FYTTD1: variants seen among roughly 807,000 people sequenced by gnomAD.
FYTTD1 encodes the protein forty-two-three domain containing 1.
Under a neutral mutation model 40.9 loss-of-function variants are expected in FYTTD1, and 22 were observed. The observed-to-expected ratio is 0.54, with a 90% CI of 0.38 to 0.77. FYTTD1 has a LOEUF of 0.77. Ranked by LOEUF, FYTTD1 falls within the 30% of genes least tolerant of loss-of-function variation. The probability of loss-of-function intolerance (pLI) is 0.00; values close to 1 mark genes in which losing one functional copy is unlikely to be tolerated. For synonymous variants in FYTTD1, 140 were observed against 137.9 expected (o/e 1.01, Z -0.10); for missense variants, 351 against 392.2 (o/e 0.90, Z 0.89).
At chr3:197,771,648 G>A (rs1408087915) in intron 4 of FYTTD1, among the ~76,000 whole-genome samples, 2 of 151,214 alleles carry the variant, frequency 1.3e-5, no homozygotes, top group Non-Finnish European at 1.5e-5. Context: ...GTGGTGGCGG[G>A]CGCCTGTAGT....
Position 197,780,043 on chromosome 3 carries a change from A to G in FYTTD1, c.858+1579A>G, listed in dbSNP as rs551598827. 3.7e-3 allele frequency among the ~76,000 whole-genome samples: 490 copies of G among 132,612 alleles called. 5 individuals carry two copies. The highest frequency in any genetic ancestry group is 3.5e-3 in the Non-Finnish European group (222 of 63,050). 87.0% of individuals were successfully genotyped at this position (132,612 alleles called of 152,430 possible). A position where few individuals can be genotyped will look rare whatever the true frequency, so the allele number is the denominator to read the frequency against. The stretch of plus-strand genomic sequence containing the variant: ...ACACCTGGGGATGCAGGCACACACC[A>G]CCACACCTGGGGATGCAGGCACACA... On this transcript the variant is annotated intron_variant, in intron 8 of 8. Coordinates refer to ENST00000241502, the MANE Select transcript of FYTTD1 (RefSeq NM_032288.7).
In FYTTD1 at chr3:197,783,023, C is replaced by T. The variant is rs1319754105; in HGVS notation, c.*1114C>T. ...AAATTTATAATAGAGTTACATTAAC[C>T]TTGTTGTTTACCTTTCACTGATTTC... On this transcript the variant is annotated 3_prime_UTR_variant, in exon 9 of 9. Coordinates refer to ENST00000241502, the MANE Select transcript of FYTTD1 (RefSeq NM_032288.7). The T allele has an allele frequency of 6.6e-6, 1 of 152,314 alleles. No individual in the cohort carries two copies. Among genetic ancestry groups the T allele is most frequent in the African/African-American group, 2.4e-5 (1 of 41,350 alleles). 9.4% of individuals were successfully genotyped at this position (152,314 alleles called of 1,614,324 possible). A position where few individuals can be genotyped will look rare whatever the true frequency, so the allele number is the denominator to read the frequency against.
At chr3:197,752,814 CAG>C (rs1376696344) in intron 1 of FYTTD1, among the ~76,000 whole-genome samples, 1 of 152,094 alleles carries the variant, frequency 6.6e-6, no homozygotes, top group Non-Finnish European at 1.5e-5. Context: ...TTACAGAAAT[CAG>C]AGGCATAGAG....
At position 197,756,552 on chromosome 3, in the gene FYTTD1, A is replaced by G. The variant is rs750230580; in HGVS notation, c.230A>G (p.Asn77Ser). The change falls in exon 2 of 9, where the codon AAT becomes AGT. Residue 77 changes from asparagine (N) to serine (S), a missense_variant. Coordinates refer to ENST00000241502, the MANE Select transcript of FYTTD1 (RefSeq NM_032288.7). ...AGAGTGCGATGGGGAATCCAACAGAATTCTGGTAAGTTTTGAAAGTAAGCT... is the reference window on the plus strand; with the variant it reads ...AGAGTGCGATGGGGAATCCAACAGAGTTCTGGTAAGTTTTGAAAGTAAGCT... ...RMRVRWGIQQNSGFGKTSLNR... is the reference protein window; with the variant it reads ...RMRVRWGIQQSSGFGKTSLNR... 1.2e-6 allele frequency: 2 copies of G among 1,613,718 alleles called. No individual in the cohort carries two copies. The highest frequency in any genetic ancestry group is 8.5e-7 in the Non-Finnish European group (1 of 1,179,664).
intron 6 of FYTTD1, 108 bp from the exon 7 acceptor site, chr3:197,776,819 A>G (rs1422871073): frequency 4.4e-5 from 31 of 700,100 alleles, no homozygotes; most frequent in South Asian, 3.9e-4. Context: ...TATTTCTTAC[A>G]AGCTAAGAAA....
chr3:197,777,752 A>G (rs1210645830), intron 7 of FYTTD1, among the ~76,000 whole-genome samples: 2 of 151,326 alleles, frequency 1.3e-5, no homozygotes, highest in African/African-American at 4.9e-5. Context: ...TCTCACTCTG[A>G]TGCCCAGGCT....
chr3:197,750,104 T>C (rs1728957103), intron 1 of FYTTD1, 30 bp downstream of exon 1: 5 of 1,494,132 alleles, frequency 3.3e-6, no homozygotes, highest in East Asian at 2.7e-5. Context: ...CGAGTTGGAG[T>C]GCGGGGGAGG....
At position 197,774,153 on chromosome 3, in the gene FYTTD1, A is replaced by G. The variant is rs536782175; in HGVS notation, c.599A>G (p.Gln200Arg). The G allele has an allele frequency of 3.3e-4, 535 of 1,613,474 alleles. 9 individuals carry two copies. The South Asian group carries it at 5.7e-3, about 17-fold the overall frequency. Residue 200 changes from glutamine (Q) to arginine (R), a missense_variant, in exon 6 of 9, where the codon CAG becomes CGG. Coordinates refer to ENST00000241502, the MANE Select transcript of FYTTD1 (RefSeq NM_032288.7). ...TFLFRRGLKVQAQLNTEQLLD... is the reference protein window; with the variant it reads ...TFLFRRGLKVRAQLNTEQLLD... ...CTGCTTTTTTTTTCCCTTCAGGTGC[A>G]GGCCCAGTTGAATACAGAACAACTG...
rs1289826218 is a variant in FYTTD1 at position 197,783,478 on chromosome 3, A to G, written c.*1569A>G. ...CAGTAACAGTTTCATGCTTATACCA[A>G]AGAATTAAATCTGATCTTTAATATC... is the stretch of plus-strand genomic sequence containing the variant. On this transcript the variant is annotated 3_prime_UTR_variant, in exon 9 of 9. Coordinates refer to ENST00000241502, the MANE Select transcript of FYTTD1 (RefSeq NM_032288.7). The G allele has an allele frequency of 2.0e-5, 3 of 152,612 alleles. No individual in the cohort carries two copies. Among genetic ancestry groups the G allele is most frequent in the Admixed American group, 2.0e-4 (3 of 15,282 alleles). The allele number at this position is 152,612 out of a possible 1,614,324, so 9.5% of individuals were successfully genotyped here. A position where few individuals can be genotyped will look rare whatever the true frequency, so the allele number is the denominator to read the frequency against.
chr3:197,753,907 T>C (rs1729139299), intron 1 of FYTTD1, among the ~76,000 whole-genome samples: 1 of 152,024 alleles, frequency 6.6e-6, no homozygotes, highest in African/African-American at 2.4e-5. Flanking sequence ...ACCCGGCTAA[T>C]TTTTTGTATT....
chr3:197,760,976 AC>A (rs1264961831), intron 2 of FYTTD1, among the ~76,000 whole-genome samples: 2 of 138,610 alleles, frequency 1.4e-5, no homozygotes, highest in Admixed American at 7.2e-5. Flanking sequence ...GAATGTATAG[AC>A]TTGTTCTTCA....
intron 1 of FYTTD1, among the ~76,000 whole-genome samples, chr3:197,752,504 A>G (rs1729090777): frequency 6.6e-6 from 1 of 152,032 alleles, no homozygotes; most frequent in South Asian, 2.1e-4. Flanking sequence ...TTTTATACAT[A>G]CACTATATGT....
chr3:197,770,771 A>G (rs1034497201), intron 4 of FYTTD1, among the ~76,000 whole-genome samples: 91 of 151,894 alleles, frequency 6.0e-4, no homozygotes, highest in Middle Eastern at 6.8e-3. Context: ...GCTGGTCTCA[A>G]TTCCTGGCCT....
intron 7 of FYTTD1, 95 bp downstream of exon 7, chr3:197,777,096 G>A: frequency 1.3e-6 from 1 of 752,096 alleles, no homozygotes; most frequent in Non-Finnish European, 2.3e-6. Context: ...TGATGTCCAA[G>A]TTGGGATGAA....
intron 1 of FYTTD1, among the ~76,000 whole-genome samples, chr3:197,751,481 A>G (rs1729042435): frequency 2.0e-5 from 3 of 152,262 alleles, no homozygotes; most frequent in Middle Eastern, 6.8e-3. Flanking sequence ...TCCCATGTCT[A>G]CTAAAAATAC....
At chr3:197,754,652 T>G (rs181823301) in intron 1 of FYTTD1, among the ~76,000 whole-genome samples, 10 of 145,892 alleles carry the variant, frequency 6.9e-5, no homozygotes, top group South Asian at 2.2e-4. Context: ...TGTTTGTGGG[T>G]TTTTTTTTTT....
At chr3:197,773,936 C>T (rs1419350452) in intron 5 of FYTTD1, among the ~76,000 whole-genome samples, 1 of 150,278 alleles carries the variant, frequency 6.7e-6, no homozygotes, top group African/African-American at 2.5e-5. Flanking sequence ...CACGCACACG[C>T]CCCACTGGGT....
intron 2 of FYTTD1, among the ~76,000 whole-genome samples, chr3:197,757,965 A>G (rs766283281): frequency 5.3e-4 from 80 of 152,204 alleles, no homozygotes; most frequent in Non-Finnish European, 9.7e-4. Context: ...GTGCAAAGGC[A>G]CGATCTTGGC....
chr3:197,772,249 T>C (rs1028872502), intron 4 of FYTTD1, among the ~76,000 whole-genome samples: 2 of 152,360 alleles, frequency 1.3e-5, no homozygotes, highest in Admixed American at 6.5e-5. Context: ...TTGGGTTAGC[T>C]AGGGCAGTTT....
Sources: allele counts gnomAD v4.1 joint callset (sites outside exome capture counted in the v4.1 genomes callset), GRCh38; gene constraint gnomAD v4.1.1; transcripts MANE v1.5; gene names NCBI Gene and HGNC (gene_info 2026-07-23, HGNC 2026-07-21).